Variants in JADE3 observed in about 807,000 individuals in gnomAD.
JADE3 encodes the protein protein Jade-3.
JADE3 carries 2 observed loss-of-function variants against 50.1 expected under a neutral mutation model. The ratio of observed to expected loss-of-function variants is 0.04; its 90% CI spans 0.02 to 0.13. The LOEUF is 0.13. Among genes scored for constraint, JADE3 ranks in the 10% least tolerant of loss-of-function variants. The pLI, the probability that JADE3 is intolerant of heterozygous loss-of-function variation, is 1.00. For synonymous variants in JADE3, 218 were observed against 232.9 expected, an observed-to-expected ratio of 0.94 and a Z score of 0.58; for missense variants, 475 against 634.4, an observed-to-expected ratio of 0.75 and a Z score of 2.70.
At chrX:46,971,713 G>A (rs868977308) in intron 1 of JADE3, among the ~76,000 whole-genome samples, 13 of 107,544 alleles carry the variant, frequency 1.2e-4, no homozygotes, top group African/African-American at 2.0e-4. Context: ...GGAGAATGGC[G>A]TGAACCTGGG....
In JADE3 at chrX:46,979,762, G is replaced by A. The variant is rs183043298; in HGVS notation, c.-11-5122G>A. 4.0e-3 allele frequency among the ~76,000 whole-genome samples: 443 copies of A among 109,856 alleles called. 3 individuals are homozygous for A. The highest frequency in any genetic ancestry group is 0.014 in the African/African-American group (418 of 30,198). On this transcript the variant is annotated intron_variant, in intron 1 of 10. Transcript: ENST00000614628. ...TTTCAGCTATTGTAATAATAAGTATGTAATAATATCTTGTGGTTTTAACTG... is the reference window on the plus strand; with the variant it reads ...TTTCAGCTATTGTAATAATAAGTATATAATAATATCTTGTGGTTTTAACTG...
At chrX:47,046,363 G>T (rs1365695019) in intron 8 of JADE3, among the ~76,000 whole-genome samples, 1 of 111,891 alleles carries the variant, frequency 8.9e-6, no homozygotes, top group Non-Finnish European at 1.9e-5. Context: ...ACCAGTAACA[G>T]ATGGTGAGAT....
At chrX:46,962,413 G>A (rs782348132) in intron 1 of JADE3, among the ~76,000 whole-genome samples, 1 of 111,546 alleles carries the variant, frequency 9.0e-6, no homozygotes, top group Non-Finnish European at 1.9e-5. Flanking sequence ...ATCCTGGTTC[G>A]CCGTGTACAA....
intron 1 of JADE3, among the ~76,000 whole-genome samples, chrX:46,917,840 T>TCC (rs1926129416): frequency 1.1e-5 from 1 of 89,881 alleles, no homozygotes; most frequent in Admixed American, 1.3e-4. Context: ...TCATCCTCTC[T>TCC]CTCTCTCTCT....
chrX:46,971,529 C>T (rs781811994), intron 1 of JADE3, among the ~76,000 whole-genome samples: 1 of 109,478 alleles, frequency 9.1e-6, no homozygotes, highest in Non-Finnish European at 1.9e-5. Flanking sequence ...GGCACAGTGG[C>T]TCACGCCTGT....
chrX:47,012,983 G>A (rs1928593056), intron 4 of JADE3, among the ~76,000 whole-genome samples: 1 of 111,433 alleles, frequency 9.0e-6, no homozygotes, highest in Non-Finnish European at 1.9e-5. Flanking sequence ...TATTGAATTA[G>A]CAAGAAATCC....
At chrX:46,987,850 C>T in intron 3 of JADE3, among the ~76,000 whole-genome samples, 1 of 111,976 alleles carries the variant, frequency 8.9e-6, no homozygotes, top group Non-Finnish European at 1.9e-5. Flanking sequence ...GATAGGGGAC[C>T]TGGGCTGCTG....
chrX:47,054,127 T>C, intron 8 of JADE3, 31 bp from the exon 9 acceptor site: 2 of 1,034,333 alleles, frequency 1.9e-6, no homozygotes, highest in South Asian at 2.1e-5. Context: ...CCTCCAACTC[T>C]GCTACCTTGA....
intron 3 of JADE3, among the ~76,000 whole-genome samples, chrX:46,991,071 T>TCCCCCCCCCCCC (rs1174749618): frequency 3.3e-3 from 1 of 300 alleles, no homozygotes; most frequent in African/African-American, 5.3e-3. Context: ...ACTCCCTCCC[T>TCCCCCCCCCCCC]CCCCCCCCCC....
At chrX:47,021,790 CT>C (rs1406829902) in intron 4 of JADE3, among the ~76,000 whole-genome samples, 1 of 111,774 alleles carries the variant, frequency 8.9e-6, no homozygotes, top group Non-Finnish European at 1.9e-5. Flanking sequence ...ATTGGGTTGT[CT>C]TTTTCTAATT....
At chrX:47,020,235 G>T (rs1445670181) in intron 4 of JADE3, among the ~76,000 whole-genome samples, 1 of 110,292 alleles carries the variant, frequency 9.1e-6, no homozygotes, top group Non-Finnish European at 1.9e-5. Context: ...GGAGGCTGAG[G>T]CAGGAGAATC....
intron 1 of JADE3, among the ~76,000 whole-genome samples, chrX:46,924,018 T>G (rs1266935685): frequency 8.9e-6 from 1 of 111,911 alleles, no homozygotes; most frequent in Non-Finnish European, 1.9e-5. Flanking sequence ...CCCATGTTCC[T>G]TTACCCTAGC....
intron 1 of JADE3, among the ~76,000 whole-genome samples, chrX:46,951,115 G>T (rs1926991770): frequency 9.4e-6 from 1 of 106,284 alleles, no homozygotes; most frequent in African/African-American, 3.4e-5. Flanking sequence ...GTCTCGCTCT[G>T]TTGCCCAGGC....
rs1556373375 is a variant in JADE3 at position 47,056,153 on chromosome X, G to A, written c.1515G>A (p.Gln505=). The stretch of plus-strand genomic sequence containing the variant: ...TGTCACACAACAAAATACAGGAACA[G>A]ATCTTCGGTTTGCAAGTCCAGCTTC... ...LKLSHNKIQE[Q]IFGLQVQLLN... Residue 505 remains glutamine, a synonymous_variant, in exon 10 of 11, where the codon CAG becomes CAA. Transcript: ENST00000614628. The A allele has an allele frequency of 3.3e-6, 4 of 1,205,344 alleles. No homozygotes were observed. The highest frequency in any genetic ancestry group is 4.5e-6 in the Non-Finnish European group (4 of 890,007).
chrX:47,024,815 A>G lies in JADE3; in HGVS notation c.376A>G (p.Ile126Val). The change falls in exon 5 of 11, where the codon ATC (isoleucine) becomes GTC (valine). Residue 126 changes from isoleucine (I) to valine (V), a missense_variant. Around this residue, in one of 6 missense-constraint regions of JADE3, gnomAD observed 54 missense variants for 51.8 expected, o/e 1.04. Transcript: ENST00000614628. ...SSPDTTEPGY[I>V]NIMELAASVC... ...CCCAGACACCACAGAGCCTGGCTAC[A>G]TCAACATCATGGAGTTGGCAGCATC... The G allele has an allele frequency of 2.5e-6, 3 of 1,195,919 alleles. No individual in the cohort carries two copies. Among genetic ancestry groups the G allele is most frequent in the Non-Finnish European group, 3.4e-6 (3 of 881,039 alleles).
At position 47,059,135 on chromosome X, in the gene JADE3, C is replaced by G; in HGVS notation, c.*58C>G. 7 of 856,723 alleles carry G rather than the reference C, an allele frequency of 8.2e-6. No individual in the cohort carries two copies. The highest frequency in any genetic ancestry group is 1.1e-5 in the Non-Finnish European group (7 of 618,649). The allele number at this position is 856,723 out of a possible 1,213,427, so 70.6% of individuals were successfully genotyped here. On this transcript the variant is annotated 3_prime_UTR_variant, in exon 11 of 11. Transcript: ENST00000614628. ...CTTTGCCCCATATATTGGGGAAAAC[C>G]CATACACCAAAAGGATTTTAGCATA...
chrX:47,037,033 G>T (rs782680976), intron 7 of JADE3, among the ~76,000 whole-genome samples: 1 of 94,706 alleles, frequency 1.1e-5, no homozygotes, highest in Non-Finnish European at 2.1e-5. Context: ...TGGGTGCAGC[G>T]CACCAGCATG....
chrX:46,970,374 G>T (rs977026012), intron 1 of JADE3, among the ~76,000 whole-genome samples: 6 of 112,222 alleles, frequency 5.3e-5, no homozygotes, highest in African/African-American at 1.9e-4. Flanking sequence ...GATCTGACCA[G>T]AGGTGAGGGT....
intron 4 of JADE3, among the ~76,000 whole-genome samples, chrX:46,998,506 C>T (rs1317562002): frequency 9.1e-6 from 1 of 109,864 alleles, no homozygotes; most frequent in Admixed American, 9.8e-5. Context: ...AGGATAAAAC[C>T]ATTTGAAGTC....
Sources: gnomAD v4.1 joint callset for allele counts (sites outside exome capture counted in the v4.1 genomes callset) on GRCh38, gnomAD v4.1.1 for gene constraint, gnomAD v4.1.1 regional missense constraint, MANE v1.5 for transcripts, NCBI Gene and HGNC (gene_info 2026-07-23, HGNC 2026-07-21) for gene names.